Variants in DPP10 observed in about 807,000 individuals in gnomAD.
The protein encoded by DPP10 is dipeptidyl peptidase like 10.
Under a neutral mutation model 120.9 loss-of-function variants are expected in DPP10, and 33 were observed. The ratio of observed to expected loss-of-function variants is 0.27; its 90% CI spans 0.21 to 0.37. The LOEUF (loss-of-function observed/expected upper bound fraction) is 0.37, where lower values mean the gene tolerates loss of function less well. Among genes scored for constraint, DPP10 ranks in the 10% least tolerant of loss-of-function variants. The pLI is 1.00. For synonymous variants in DPP10, 337 were observed against 326.1 expected, an observed-to-expected ratio of 1.03 and a Z score of -0.36; for missense variants, 816 against 942.8, an observed-to-expected ratio of 0.87 and a Z score of 1.76.
At chr2:115,060,337 A>G (rs1055135892) in intron 1 of DPP10, among the ~76,000 whole-genome samples, 16 of 152,082 alleles carry the variant, frequency 1.1e-4, no homozygotes, top group Admixed American at 6.6e-5. Flanking sequence ...TTATGCCTGT[A>G]ATTCTAGCAA....
intron 3 of DPP10, among the ~76,000 whole-genome samples, chr2:115,475,527 T>C (rs1367940775): frequency 2.6e-5 from 4 of 152,074 alleles, no homozygotes; most frequent in Non-Finnish European, 5.9e-5. Context: ...ACATGTGGGG[T>C]TGGAGTCCCC....
chr2:115,553,274 C>A (rs1359776112), intron 5 of DPP10, among the ~76,000 whole-genome samples: 1 of 151,978 alleles, frequency 6.6e-6, no homozygotes, highest in Non-Finnish European at 1.5e-5. Flanking sequence ...ATAACATTAC[C>A]ATAAATCTTT....
intron 1 of DPP10, among the ~76,000 whole-genome samples, chr2:114,638,713 T>C (rs932383773): frequency 1.3e-5 from 2 of 151,880 alleles, no homozygotes; most frequent in Non-Finnish European, 1.5e-5. Flanking sequence ...AACTAATTTG[T>C]AAACTCCAGT....
chr2:115,286,541 A>ATATATATATATATATATAT (rs2060410573), intron 1 of DPP10, among the ~76,000 whole-genome samples: 3 of 102,030 alleles, frequency 2.9e-5, no homozygotes, highest in African/African-American at 7.4e-5. Flanking sequence ...ATATATATAT[A>ATATATATATATATATATAT]AAATATATAC....
At chr2:115,547,291 G>T (rs1052822954) in intron 5 of DPP10, among the ~76,000 whole-genome samples, 1 of 152,148 alleles carries the variant, frequency 6.6e-6, no homozygotes, top group Non-Finnish European at 1.5e-5. Context: ...TGATGCTTTT[G>T]CAGTCACAGC....
At chr2:114,897,472 G>T (rs1384055439) in intron 1 of DPP10, among the ~76,000 whole-genome samples, 3 of 152,110 alleles carry the variant, frequency 2.0e-5, no homozygotes, top group African/African-American at 7.2e-5. Context: ...AAAAGCAATG[G>T]CAACAAAAGC....
chr2:115,031,217 T>C (rs72834180), intron 1 of DPP10, among the ~76,000 whole-genome samples: 15,670 of 152,104 alleles, frequency 0.1, 1,097 homozygotes, highest in Non-Finnish European at 0.14. Flanking sequence ...TCAGGGAGAA[T>C]GATTTCCTCT....
intron 19 of DPP10, among the ~76,000 whole-genome samples, chr2:115,808,412 G>C (rs1421639709): frequency 6.6e-6 from 1 of 152,154 alleles, no homozygotes; most frequent in Non-Finnish European, 1.5e-5. Flanking sequence ...GGGTGGCTCA[G>C]CTTCTACAAG....
intron 1 of DPP10, among the ~76,000 whole-genome samples, chr2:115,215,278 C>T (rs1047843748): frequency 6.6e-6 from 1 of 151,984 alleles, no homozygotes; most frequent in Non-Finnish European, 1.5e-5. Context: ...TTGTTTTTAT[C>T]CAGCAGGAAC....
chr2:115,490,229 T>G (rs1475715390), intron 3 of DPP10, among the ~76,000 whole-genome samples: 1 of 152,266 alleles, frequency 6.6e-6, no homozygotes, highest in East Asian at 1.9e-4. Flanking sequence ...TCTGCATGGC[T>G]AAGGAGGCCT....
intron 1 of DPP10, among the ~76,000 whole-genome samples, chr2:115,027,351 G>T (rs911573310): frequency 1.3e-5 from 2 of 152,100 alleles, no homozygotes; most frequent in East Asian, 1.9e-4. Context: ...AATTGGTCTT[G>T]CCAGGACTTT....
intron 1 of DPP10, among the ~76,000 whole-genome samples, chr2:114,477,251 C>T (rs543975090): frequency 1.3e-5 from 2 of 152,044 alleles, no homozygotes; most frequent in East Asian, 1.9e-4. Flanking sequence ...AGCCACTGCA[C>T]CCAGCCAAAA....
At chr2:114,679,207 G>T (rs75531718) in intron 1 of DPP10, among the ~76,000 whole-genome samples, 5,818 of 152,038 alleles carry the variant, frequency 0.038, 150 homozygotes, top group South Asian at 0.09. Context: ...TATTTTTGTG[G>T]GGTAGAGAGT....
chr2:115,593,578 T>TA (rs71394152), intron 5 of DPP10, among the ~76,000 whole-genome samples: 56,547 of 151,394 alleles, frequency 0.37, 11,143 homozygotes, highest in African/African-American at 0.49. Flanking sequence ...AAATGGGAAA[T>TA]AAAAAAATGT....
chr2:115,395,036 T>C (rs1385297720), intron 3 of DPP10, among the ~76,000 whole-genome samples: 1 of 152,244 alleles, frequency 6.6e-6, no homozygotes, highest in Admixed American at 6.5e-5. Context: ...TGTTTTCACG[T>C]ACTACACTCT....
At chr2:115,764,516 A>G (rs1225351154) in intron 12 of DPP10, among the ~76,000 whole-genome samples, 1 of 152,102 alleles carries the variant, frequency 6.6e-6, no homozygotes, top group African/African-American at 2.4e-5. Flanking sequence ...TATAACACAT[A>G]ATACTTATGC....
At chr2:115,562,262 C>T (rs1047920751) in intron 5 of DPP10, among the ~76,000 whole-genome samples, 2 of 152,108 alleles carry the variant, frequency 1.3e-5, no homozygotes, top group Middle Eastern at 3.2e-3. Flanking sequence ...TTCTGGCTCG[C>T]TCTTTCTCTT....
At position 115,791,683 on chromosome 2, in the gene DPP10, A is replaced by G. The variant is rs192950788; in HGVS notation, c.1700+327A>G. On this transcript the variant is annotated intron_variant, in intron 19 of 25. Coordinates refer to ENST00000410059, the MANE Select transcript of DPP10 (RefSeq NM_020868.6). ...AGTTGTTTATGCAACATTGTGGAAC[A>G]TGTAATTCCACTGCTAAAACAATGG... Among the ~76,000 whole-genome samples, 446 of 152,324 alleles carry G rather than the reference A, an allele frequency of 2.9e-3. 4 individuals carry two copies. Among genetic ancestry groups the G allele is most frequent in the Non-Finnish European group, 7.9e-4 (54 of 68,026 alleles).
intron 1 of DPP10, among the ~76,000 whole-genome samples, chr2:114,445,103 G>A (rs926603260): frequency 2.0e-5 from 3 of 152,136 alleles, no homozygotes; most frequent in Admixed American, 6.5e-5. Context: ...TTGGGAAGCT[G>A]TGGGACATTG....
Sources: gnomAD v4.1 joint callset for allele counts (sites outside exome capture counted in the v4.1 genomes callset) on GRCh38, gnomAD v4.1.1 for gene constraint, MANE v1.5 for transcripts, NCBI Gene and HGNC (gene_info 2026-07-23, HGNC 2026-07-21) for gene names.